CNTN4: variants seen among roughly 807,000 people sequenced by gnomAD.
CNTN4 encodes contactin-4.
CNTN4 carries 77 observed loss-of-function variants against 122.5 expected under a neutral mutation model. The ratio of observed to expected loss-of-function variants is 0.63; its 90% confidence interval spans 0.52 to 0.76. The LOEUF (loss-of-function observed/expected upper bound fraction) is 0.76. CNTN4 is among the 30% of genes least tolerant of loss of function. The pLI, the probability that CNTN4 is intolerant of heterozygous loss-of-function variation, is 0.00. For synonymous variants in CNTN4, 512 were observed against 447.0 expected, an observed-to-expected ratio of 1.15 and a Z score of -1.83; for missense variants, 1,256 against 1,259.1, an observed-to-expected ratio of 1.00 and a Z score of 0.04.
intron 2 of CNTN4, among the ~76,000 whole-genome samples, chr3:2,191,777 A>T (rs188353351): frequency 5.9e-5 from 9 of 152,108 alleles, no homozygotes; most frequent in Admixed American, 4.6e-4. Context: ...CATGTGCACA[A>T]CATGAGGTTT....
chr3:2,846,993 CAAAT>C (rs577122568), intron 7 of CNTN4, among the ~76,000 whole-genome samples: 4 of 151,850 alleles, frequency 2.6e-5, no homozygotes, highest in Non-Finnish European at 4.4e-5. Context: ...AACTCGGTCT[CAAAT>C]AAATAAATAA....
intron 14 of CNTN4, among the ~76,000 whole-genome samples, chr3:2,997,739 A>G (rs1442546723): frequency 6.6e-6 from 1 of 152,202 alleles, no homozygotes; most frequent in East Asian, 1.9e-4. Flanking sequence ...TGTCTCTTTT[A>G]TGTATCCATT....
chr3:2,155,314 C>A (rs1223626967), intron 2 of CNTN4, among the ~76,000 whole-genome samples: 1 of 152,142 alleles, frequency 6.6e-6, no homozygotes, highest in African/African-American at 2.4e-5. Flanking sequence ...GGCTCTGTCT[C>A]TTACAGGGGT....
chr3:2,866,600 G>T, intron 7 of CNTN4, 152 bp from the exon 8 acceptor site: 2 of 1,113,004 alleles, frequency 1.8e-6, no homozygotes, highest in South Asian at 2.9e-5. Flanking sequence ...TGCCACGGGG[G>T]ACTGTGATTA....
intron 7 of CNTN4, among the ~76,000 whole-genome samples, chr3:2,825,941 G>A (rs2092977398): frequency 6.6e-6 from 1 of 152,112 alleles, no homozygotes; most frequent in Non-Finnish European, 1.5e-5. Context: ...CAGACCCAGG[G>A]ACCTTCGAAC....
In CNTN4 at chr3:2,633,089, A is replaced by G. The variant is rs1013291015; in HGVS notation, c.55+61531A>G. Reference sequence around the variant, plus strand: ...CCTTTCGCTTCAAGTTGATTTTTATAAATAGTCTTCTCCATGTTGTTTCTA... The same window carrying G: ...CCTTTCGCTTCAAGTTGATTTTTATGAATAGTCTTCTCCATGTTGTTTCTA... On this transcript the variant is annotated intron_variant, in intron 4 of 24. Transcript: ENST00000418658. 2.6e-5 allele frequency among the ~76,000 whole-genome samples: 4 copies of G among 151,852 alleles called. No homozygotes were observed. In the South Asian group the frequency reaches 8.3e-4, roughly 32 times the overall value.
At chr3:2,704,915 C>G (rs2086566439) in intron 4 of CNTN4, among the ~76,000 whole-genome samples, 1 of 152,074 alleles carries the variant, frequency 6.6e-6, no homozygotes, top group African/African-American at 2.4e-5. Flanking sequence ...ACAGTCTAAA[C>G]ACTGCGTGAG....
At chr3:2,957,420 C>A (rs1299758092) in intron 13 of CNTN4, among the ~76,000 whole-genome samples, 1 of 152,148 alleles carries the variant, frequency 6.6e-6, no homozygotes, top group African/African-American at 2.4e-5. Flanking sequence ...ATGCCTTTGG[C>A]CATTTACATG....
chr3:2,932,967 C>T (rs564384102), intron 13 of CNTN4, among the ~76,000 whole-genome samples: 38 of 152,088 alleles, frequency 2.5e-4, no homozygotes, highest in Non-Finnish European at 4.7e-4. Flanking sequence ...GGACTACAGG[C>T]ACCCACCACT....
chr3:2,493,637 C>T lies in CNTN4; in HGVS notation c.-88-77779C>T, dbSNP rs191429491. 1.4e-3 allele frequency among the ~76,000 whole-genome samples: 209 copies of T among 151,890 alleles called. 6 individuals carry two copies. Among genetic ancestry groups the T allele is most frequent in the Admixed American group, 0.014 (208 of 15,196 alleles). ...GAACTGCTAGCTGCCAACCAATATCCTTTATTTCTTTGTACTTTAATAATA... is the reference window on the plus strand; with the variant it reads ...GAACTGCTAGCTGCCAACCAATATCTTTTATTTCTTTGTACTTTAATAATA... On this transcript the variant is annotated intron_variant, in intron 3 of 24. Transcript: ENST00000418658.
chr3:2,759,299 G>A (rs201233899), intron 6 of CNTN4, among the ~76,000 whole-genome samples: 2 of 152,174 alleles, frequency 1.3e-5, no homozygotes, highest in East Asian at 3.9e-4. Context: ...GGGATTACAG[G>A]TGCCTGCCAC....
At chr3:2,639,903 T>C (rs562668664) in intron 4 of CNTN4, among the ~76,000 whole-genome samples, 1 of 152,338 alleles carries the variant, frequency 6.6e-6, no homozygotes, top group South Asian at 2.1e-4. Context: ...AAGGAACAAC[T>C]AAGCTATCTG....
intron 2 of CNTN4, among the ~76,000 whole-genome samples, chr3:2,254,539 C>G (rs2040502406): frequency 6.6e-6 from 1 of 152,166 alleles, no homozygotes; most frequent in African/African-American, 2.4e-5. Flanking sequence ...TCTCCACATC[C>G]TCTCCGGCAT....
chr3:2,243,288 C>A (rs543870677), intron 2 of CNTN4, among the ~76,000 whole-genome samples: 1 of 152,228 alleles, frequency 6.6e-6, no homozygotes, highest in Non-Finnish European at 1.5e-5. Context: ...CTTATGTCAG[C>A]AACCACTGCT....
rs2201923 is a variant in CNTN4 at position 2,902,692 on chromosome 3, G to A, written c.1078-184G>A. On this transcript the variant is annotated intron_variant, in intron 11 of 24. Coordinates refer to ENST00000418658, the MANE Select transcript of CNTN4 (RefSeq NM_175607.3). The stretch of plus-strand genomic sequence containing the variant: ...CCATTTACCAACTGATGTACTGGTT[G>A]TTCCATTTAGCATCTGACCTGCTAC... Among the ~76,000 whole-genome samples, 12,140 of 152,216 alleles carry A rather than the reference G, an allele frequency of 0.08. 616 individuals carry two copies. Among genetic ancestry groups the A allele is most frequent in the South Asian group, 0.11 (554 of 4,832 alleles).
intron 4 of CNTN4, among the ~76,000 whole-genome samples, chr3:2,682,624 T>A (rs529979130): frequency 6.6e-6 from 1 of 152,146 alleles, no homozygotes; most frequent in East Asian, 1.9e-4. Context: ...AAAGTATATA[T>A]AGAAAATGGA....
intron 3 of CNTN4, among the ~76,000 whole-genome samples, chr3:2,347,505 G>A (rs1370180408): frequency 7.2e-6 from 1 of 138,100 alleles, no homozygotes; most frequent in Non-Finnish European, 1.5e-5. Context: ...CACCTCCCGA[G>A]TTCAAGTGAT....
intron 6 of CNTN4, among the ~76,000 whole-genome samples, chr3:2,748,657 T>G (rs981618271): frequency 5.9e-5 from 9 of 152,206 alleles, no homozygotes; most frequent in African/African-American, 2.2e-4. Flanking sequence ...TTCATCCACG[T>G]GTTTTTAAAG....
chr3:2,332,164 G>C lies in CNTN4; in HGVS notation c.-144-7014G>C, dbSNP rs527483853. ...CATATTGGAAAACTTTAGATTTCAG[G>C]ATAGTAACTTATGGGCCACAATGCC... On this transcript the variant is annotated intron_variant, in intron 2 of 24. Coordinates refer to ENST00000418658, the MANE Select transcript of CNTN4 (RefSeq NM_175607.3). Among the ~76,000 whole-genome samples, 7 of 152,176 alleles carry C rather than the reference G, an allele frequency of 4.6e-5. No homozygotes were observed. The South Asian group carries it at 1.5e-3, about 32-fold the overall frequency.
Sources: gnomAD v4.1 joint callset for allele counts (sites outside exome capture counted in the v4.1 genomes callset) on GRCh38, gnomAD v4.1.1 for gene constraint, MANE v1.5 for transcripts, NCBI Gene and HGNC (gene_info 2026-07-23, HGNC 2026-07-21) for gene names.